TENM2: variants seen among roughly 807,000 people sequenced by gnomAD.
TENM2 encodes teneurin-2.
Under a neutral mutation model 245.2 loss-of-function variants are expected in TENM2, and 52 were observed. The ratio of observed to expected loss-of-function variants is 0.21; its 90% CI spans 0.17 to 0.27. The LOEUF (loss-of-function observed/expected upper bound fraction) is 0.27. Ranked by LOEUF, TENM2 falls within the 10% of genes least tolerant of loss-of-function variation. TENM2 has a pLI of 1.00. For synonymous variants in TENM2, 1,363 were observed against 1,438.9 expected (o/e 0.95, Z 1.19); for missense variants, 3,046 against 3,666.8 (o/e 0.83, Z 4.37).
At chr5:167,387,155 A>G (rs976045488) in intron 2 of TENM2, among the ~76,000 whole-genome samples, 8 of 152,014 alleles carry the variant, frequency 5.3e-5, no homozygotes, top group Admixed American at 3.9e-4. Flanking sequence ...ATGTGTTTCC[A>G]TTTGTTTGTG....
chr5:166,998,155 G>A, the TENM2 span, among the ~76,000 whole-genome samples: 1 of 152,142 alleles, frequency 6.6e-6, no homozygotes, highest in African/African-American at 2.4e-5. Context: ...ACATGCAAAA[G>A]CCTGAGGTGG....
chr5:168,240,702 C>T (rs1423375057), intron 25 of TENM2, among the ~76,000 whole-genome samples: 1 of 149,920 alleles, frequency 6.7e-6, no homozygotes, highest in Non-Finnish European at 1.5e-5. Flanking sequence ...CACTAGGGCC[C>T]TATGATATGA....
In TENM2 at chr5:168,166,185, G is replaced by T. The variant is rs571686131; in HGVS notation, c.2569+3428G>T. Among the ~76,000 whole-genome samples the T allele has an allele frequency of 2.6e-5, 4 of 152,226 alleles. No individual in the cohort carries two copies. The South Asian group carries it at 8.3e-4, about 32-fold the overall frequency. On this transcript the variant is annotated intron_variant, in intron 13 of 28. Transcript: ENST00000518659. The stretch of plus-strand genomic sequence containing the variant: ...AGGGCTATGTGAGTTTATAAACCTG[G>T]CAGTGGGTCAGAGAGGCACCCGGGC...
chr5:167,858,966 C>A (rs1340836713), intron 2 of TENM2, among the ~76,000 whole-genome samples: 5 of 143,538 alleles, frequency 3.5e-5, no homozygotes, highest in African/African-American at 1.3e-4. Flanking sequence ...TCTGCCTGGC[C>A]GCCCATCGTC....
Position 168,247,035 on chromosome 5 carries a change from C to A in TENM2, c.6096C>A (p.Val2032=). The A allele has an allele frequency of 6.2e-7, 1 of 1,614,020 alleles. No homozygotes were observed. The highest frequency in any genetic ancestry group is 1.3e-5 in the African/African-American group (1 of 75,062). ...AACTCTCCAAGTTATCAGAGATTGT[C>A]TACGACAGTACCGCCGTCACCTTCG... The change falls in exon 27 of 29, where the codon GTC becomes GTA. Residue 2032 remains valine, a synonymous_variant. Transcript: ENST00000518659. The surrounding 1 kb of genome is among the most constrained non-coding windows in gnomAD (Gnocchi z 7.8).
chr5:167,887,751 T>A (rs1164297266), intron 3 of TENM2, among the ~76,000 whole-genome samples: 2 of 152,220 alleles, frequency 1.3e-5, no homozygotes, highest in Non-Finnish European at 2.9e-5. Context: ...TATGGATTCA[T>A]TTGCTGGAGC....
chr5:167,498,468 A>G (rs1244599106), intron 2 of TENM2, among the ~76,000 whole-genome samples: 1 of 152,096 alleles, frequency 6.6e-6, no homozygotes, highest in Non-Finnish European at 1.5e-5. Flanking sequence ...GGGGAAGTAA[A>G]TATTTCAGGG....
chr5:167,550,803 C>T (rs1772890282), intron 2 of TENM2, among the ~76,000 whole-genome samples: 1 of 149,370 alleles, frequency 6.7e-6, no homozygotes, highest in Non-Finnish European at 1.5e-5. Flanking sequence ...GATCTTGGCT[C>T]AGTGCAACCT....
intron 2 of TENM2, among the ~76,000 whole-genome samples, chr5:167,385,854 A>ATGTGTG (rs1201413273): frequency 5.2e-4 from 68 of 130,180 alleles, no homozygotes; most frequent in East Asian, 4.0e-3. Flanking sequence ...CATTATATAT[A>ATGTGTG]TATGTGTGTG....
chr5:166,998,024 A>G, the TENM2 span, among the ~76,000 whole-genome samples: 1 of 152,156 alleles, frequency 6.6e-6, no homozygotes. Context: ...GCATGCCTGC[A>G]CTGGTTAATT....
intron 2 of TENM2, among the ~76,000 whole-genome samples, chr5:167,727,104 C>CTTTCTTTT (rs1760064671): frequency 1.0e-5 from 1 of 96,120 alleles, no homozygotes; most frequent in African/African-American, 4.1e-5. Flanking sequence ...CCATTAATTT[C>CTTTCTTTT]TTTTTTTTTT....
intron 1 of TENM2, chr5:167,303,322 A>C (rs1354492471): frequency 6.6e-6 from 1 of 152,478 alleles, no homozygotes; most frequent in East Asian, 1.9e-4. Context: ...GTGAGCAACA[A>C]GGCTGTTTAT....
chr5:167,952,444 G>T, intron 3 of TENM2, 144 bp from the exon 6 acceptor site: 1 of 653,510 alleles, frequency 1.5e-6, no homozygotes, highest in African/African-American at 1.8e-5. Flanking sequence ...GATGCCTGCC[G>T]CAGTCTTATC....
chr5:167,529,933 T>C (rs78460160), intron 2 of TENM2, among the ~76,000 whole-genome samples: 6,935 of 152,192 alleles, frequency 0.046, 332 homozygotes, highest in Admixed American at 0.11. Flanking sequence ...ATTCAATTCA[T>C]TGGGGTGCAG....
At chr5:166,997,043 C>T in the TENM2 span, among the ~76,000 whole-genome samples, 2 of 152,066 alleles carry the variant, frequency 1.3e-5, no homozygotes, top group Admixed American at 1.3e-4. Context: ...TGGTGTATTT[C>T]TGGAAAAGGG....
At chr5:167,932,189 G>T (rs574699010) in intron 3 of TENM2, among the ~76,000 whole-genome samples, 1 of 152,260 alleles carries the variant, frequency 6.6e-6, no homozygotes, top group East Asian at 1.9e-4. Flanking sequence ...CAATTCCATC[G>T]TGAAGGTCTC....
At chr5:167,483,528 T>G (rs1767887867) in intron 2 of TENM2, among the ~76,000 whole-genome samples, 1 of 152,228 alleles carries the variant, frequency 6.6e-6, no homozygotes, top group African/African-American at 2.4e-5. Flanking sequence ...TGGTTCCTCT[T>G]GGCTTCTGAT....
the TENM2 span, among the ~76,000 whole-genome samples, chr5:167,251,280 C>T: frequency 6.6e-6 from 1 of 151,918 alleles, no homozygotes; most frequent in Admixed American, 6.6e-5. Context: ...TGGTTACAAA[C>T]AAATAACTAA....
intron 2 of TENM2, among the ~76,000 whole-genome samples, chr5:167,870,589 G>GTA (rs1249087421): frequency 7.1e-6 from 1 of 140,210 alleles, no homozygotes; most frequent in Admixed American, 7.2e-5. Context: ...ATATATATAT[G>GTA]TATATATATG....
Sources: allele counts gnomAD v4.1 joint callset (sites outside exome capture counted in the v4.1 genomes callset), GRCh38; gene constraint gnomAD v4.1.1; non-coding constraint Gnocchi (gnomAD v3.1); transcripts MANE v1.5; gene names NCBI Gene and HGNC (gene_info 2026-07-23, HGNC 2026-07-21).